Variants in ZBTB20 observed in about 807,000 individuals in gnomAD.
ZBTB20 encodes zinc finger and BTB domain containing 20, also known as zinc finger and BTB domain-containing protein 20.
In ZBTB20, 9 loss-of-function variants were observed where a neutral mutation model predicts 56.9. The observed-to-expected ratio is 0.16, with a 90% confidence interval of 0.10 to 0.28. The LOEUF is 0.28. Ranked by LOEUF, ZBTB20 falls within the 10% of genes least tolerant of loss-of-function variation. The pLI, the probability that ZBTB20 is intolerant of heterozygous loss-of-function variation, is 1.00. For synonymous variants in ZBTB20, 417 were observed against 420.7 expected, an observed-to-expected ratio of 0.99 and a Z score of 0.11; for missense variants, 655 against 1,003.0, an observed-to-expected ratio of 0.65 and a Z score of 4.69.
chr3:115,073,759 T>A (rs1219578836), intron 1 of ZBTB20, among the ~76,000 whole-genome samples: 1 of 151,772 alleles, frequency 6.6e-6, no homozygotes, highest in African/African-American at 2.4e-5. Flanking sequence ...ATTAACCGTA[T>A]ACAATAAAAT....
intron 3 of ZBTB20, among the ~76,000 whole-genome samples, chr3:114,935,458 T>C (rs1257065932): frequency 6.6e-6 from 1 of 152,196 alleles, no homozygotes. Context: ...TTATGAAGTG[T>C]CGTATTCTTG....
intron 4 of ZBTB20, among the ~76,000 whole-genome samples, chr3:114,836,374 A>T (rs2074120982): frequency 6.6e-6 from 1 of 152,230 alleles, no homozygotes; most frequent in African/African-American, 2.4e-5. Flanking sequence ...ATGGAAGTAT[A>T]TGGAAACAAG....
intron 4 of ZBTB20, among the ~76,000 whole-genome samples, chr3:114,823,937 G>C (rs936514324): frequency 6.6e-6 from 1 of 151,810 alleles, no homozygotes; most frequent in Admixed American, 6.6e-5. Context: ...AATTACATAA[G>C]CACAAAATCA....
At chr3:114,739,320 C>A (rs773321099) in intron 5 of ZBTB20, among the ~76,000 whole-genome samples, 1 of 152,110 alleles carries the variant, frequency 6.6e-6, no homozygotes, top group Non-Finnish European at 1.5e-5. Context: ...ATTGTCAGGC[C>A]CTTTGAATCC....
chr3:115,125,701 G>C (rs1311911808), intron 1 of ZBTB20, among the ~76,000 whole-genome samples: 1 of 152,136 alleles, frequency 6.6e-6, no homozygotes, highest in Non-Finnish European at 1.5e-5. Context: ...AAATTGCTAA[G>C]AGAATAGATT....
intron 1 of ZBTB20, among the ~76,000 whole-genome samples, chr3:115,125,016 G>GAACTTACAGTTTTTTTTAAAAAA (rs2084285613): frequency 1.3e-5 from 2 of 151,294 alleles, no homozygotes; most frequent in Non-Finnish European, 2.9e-5. Context: ...ATGTACCCCT[G>GAACTTACAGTTTTTTTTAAAAAA]AACTTAAAGT....
chr3:114,388,594 C>T (rs930181233), intron 8 of ZBTB20: 1 of 152,286 alleles, frequency 6.6e-6, no homozygotes, highest in African/African-American at 2.4e-5. Flanking sequence ...TAAAACCAAG[C>T]AAAGCTGCTG....
chr3:115,024,785 T>C (rs909827515), intron 2 of ZBTB20, among the ~76,000 whole-genome samples: 3 of 151,064 alleles, frequency 2.0e-5, no homozygotes, highest in Non-Finnish European at 4.5e-5. Flanking sequence ...TTAGATGCCC[T>C]AACACTATTA....
rs536294048 is a variant in ZBTB20, at chr3:114,330,416, G to A, written c.*8589C>T. The A allele has an allele frequency of 1.3e-5, 2 of 152,154 alleles. No homozygotes were observed. The highest frequency in any genetic ancestry group is 2.1e-4 in the South Asian group (1 of 4,832). The allele number at this position is 152,154 out of a possible 1,614,324, so 9.4% of individuals were successfully genotyped here. On this transcript the variant is annotated 3_prime_UTR_variant, in exon 12 of 12. Coordinates refer to ENST00000675478, the MANE Select transcript of ZBTB20 (RefSeq NM_001348800.3). Reference sequence around the variant, plus strand: ...TCAATATAGAGTTGTTATATATAATGTGTATGTCCTAGGTTTCAGAAATAC... The same window carrying A: ...TCAATATAGAGTTGTTATATATAATATGTATGTCCTAGGTTTCAGAAATAC...
intron 7 of ZBTB20, among the ~76,000 whole-genome samples, chr3:114,422,435 A>G (rs1477682818): frequency 6.6e-6 from 1 of 151,794 alleles, no homozygotes; most frequent in Non-Finnish European, 1.5e-5. Context: ...CCCGCCTTAC[A>G]TGAATTTGAC....
At chr3:115,146,125 C>G (rs2084959862) in intron 1 of ZBTB20, among the ~76,000 whole-genome samples, 1 of 152,184 alleles carries the variant, frequency 6.6e-6, no homozygotes. Context: ...CAAACTACTT[C>G]CTGATTCATT....
At chr3:114,950,875 C>T (rs1247349370) in intron 3 of ZBTB20, among the ~76,000 whole-genome samples, 1 of 151,976 alleles carries the variant, frequency 6.6e-6, no homozygotes, top group African/African-American at 2.4e-5. Context: ...TCTGCAAGCA[C>T]ATGTAAATGC....
intron 7 of ZBTB20, among the ~76,000 whole-genome samples, chr3:114,406,208 GA>G (rs2108739719): frequency 6.6e-6 from 1 of 152,242 alleles, no homozygotes; most frequent in Non-Finnish European, 1.5e-5. Flanking sequence ...TGAATTATAT[GA>G]CCATGGCATT....
At chr3:114,469,005 A>G (rs2092654638) in intron 7 of ZBTB20, among the ~76,000 whole-genome samples, 2 of 132,462 alleles carry the variant, frequency 1.5e-5, no homozygotes, top group Non-Finnish European at 3.2e-5. Flanking sequence ...ATTTTTCAAG[A>G]GAAGCAAAAA....
chr3:114,603,237 T>C (rs1208784438), intron 6 of ZBTB20, among the ~76,000 whole-genome samples: 1 of 151,978 alleles, frequency 6.6e-6, no homozygotes, highest in Admixed American at 6.6e-5. Context: ...AAAATCCAGA[T>C]TGTTCATTTT....
rs2078832432 is a variant in ZBTB20 at position 114,319,876 on chromosome 3, G to A, written c.*19129C>T. On this transcript the variant is annotated 3_prime_UTR_variant, in exon 12 of 12. Transcript: ENST00000675478. ...CACACACACACAAATTTGTTACATA[G>A]CCAATTTGTTTTTAAATATTTTTTC... is the stretch of plus-strand genomic sequence containing the variant. The A allele has an allele frequency of 6.6e-6, 1 of 151,714 alleles. No homozygotes were observed. Among genetic ancestry groups the A allele is most frequent in the Admixed American group, 6.6e-5 (1 of 15,232 alleles). 9.4% of individuals were successfully genotyped at this position (151,714 alleles called of 1,614,324 possible).
intron 6 of ZBTB20, among the ~76,000 whole-genome samples, chr3:114,612,119 C>A (rs1183950775): frequency 2.0e-5 from 3 of 152,180 alleles, no homozygotes; most frequent in African/African-American, 7.2e-5. Context: ...TGGCTACCAT[C>A]TTTGCTTCTT....
chr3:115,120,564 G>A (rs753177731), intron 1 of ZBTB20, among the ~76,000 whole-genome samples: 3 of 152,036 alleles, frequency 2.0e-5, no homozygotes, highest in Admixed American at 6.6e-5. Context: ...TAAGCCAGAC[G>A]GGGGCAAATT....
At chr3:115,060,061 T>C (rs145285022) in intron 2 of ZBTB20, among the ~76,000 whole-genome samples, 309 of 152,266 alleles carry the variant, frequency 2.0e-3, no homozygotes, top group African/African-American at 6.9e-3. Flanking sequence ...TCAAACAAGG[T>C]CACTTACTAT....
Sources: allele counts gnomAD v4.1 joint callset (sites outside exome capture counted in the v4.1 genomes callset), GRCh38; gene constraint gnomAD v4.1.1; transcripts MANE v1.5; gene names NCBI Gene and HGNC (gene_info 2026-07-23, HGNC 2026-07-21).